The following ANKRD36B variants were observed in gnomAD, a reference collection of about 807,000 sequenced individuals.
ANKRD36B encodes the protein ankyrin repeat domain 36B.
In ANKRD36B, 37 loss-of-function variants were observed where a neutral mutation model predicts 135.7. The observed-to-expected ratio is 0.27, with a 90% confidence interval of 0.21 to 0.36. The LOEUF (loss-of-function observed/expected upper bound fraction) is 0.36, where lower values mean the gene tolerates loss of function less well. Ranked by LOEUF, ANKRD36B falls within the 10% of genes least tolerant of loss-of-function variation. The pLI is 1.00. For synonymous variants in ANKRD36B, 179 were observed against 348.1 expected, an observed-to-expected ratio of 0.51 and a Z score of 5.41; for missense variants, 549 against 1,037.1, an observed-to-expected ratio of 0.53 and a Z score of 6.46.
chr2:97,552,810 G>A (rs1191028587), intron 16 of ANKRD36B, among the ~76,000 whole-genome samples: 1 of 151,796 alleles, frequency 6.6e-6, no homozygotes, highest in Non-Finnish European at 1.5e-5. Context: ...ACGATGTGAC[G>A]TCTGTAAAAT....
At chr2:97,586,698 A>T (rs1404991092) in intron 1 of ANKRD36B, among the ~76,000 whole-genome samples, 3 of 152,218 alleles carry the variant, frequency 2.0e-5, no homozygotes, top group Non-Finnish European at 4.4e-5. Context: ...TTTCATTTTC[A>T]TGAGGACACT....
Position 97,545,896 on chromosome 2 carries a change from A to G in ANKRD36B, c.1580-35T>C, listed in dbSNP as rs572260452. 14 of 881,740 alleles carry G rather than the reference A, an allele frequency of 1.6e-5. 6 individuals are homozygous for G. The highest frequency in any genetic ancestry group is 5.2e-5 in the East Asian group (2 of 38,324). 54.6% of individuals were successfully genotyped at this position (881,740 alleles called of 1,614,324 possible). ...AAAAGGGATACATAATCACTCATAC[A>G]TAAATATGATAAAGTTATCCATACA... On this transcript the variant is annotated intron_variant, in intron 22 of 43. Coordinates refer to ENST00000359901, the MANE Select transcript of ANKRD36B (RefSeq NM_001393939.1).
Position 97,589,710 on chromosome 2 carries a change from G to T in ANKRD36B, c.-25C>A, listed in dbSNP as rs764246672. 6.2e-7 allele frequency: 1 copy of T among 1,613,900 alleles called. No homozygotes were observed. The highest frequency in any genetic ancestry group is 2.2e-5 in the East Asian group (1 of 44,862). ...TGAGGGTGGGCCACCTCTCCCGCTC[G>T]TCGTCTTCCTTAATCGTCGGCTGCA... On this transcript the variant is annotated 5_prime_UTR_variant, in exon 1 of 44. Coordinates refer to ENST00000359901, the MANE Select transcript of ANKRD36B (RefSeq NM_001393939.1).
intron 12 of ANKRD36B, among the ~76,000 whole-genome samples, chr2:97,555,770 T>C (rs2080466905): frequency 6.6e-6 from 1 of 152,074 alleles, no homozygotes; most frequent in East Asian, 1.9e-4. Context: ...GGACCTAAAT[T>C]GATCAGCTTG....
intron 3 of ANKRD36B, among the ~76,000 whole-genome samples, chr2:97,584,497 T>C (rs1415628191): frequency 6.6e-6 from 1 of 152,016 alleles, no homozygotes; most frequent in Non-Finnish European, 1.5e-5. Context: ...TGAAATCACC[T>C]TCACATACAA....
At position 97,527,486 on chromosome 2, in the gene ANKRD36B, A is replaced by G. The variant is rs564318147; in HGVS notation, c.2266-4019T>C. On this transcript the variant is annotated intron_variant, in intron 35 of 43. Transcript: ENST00000359901. Reference sequence around the variant, plus strand: ...TAAAGACCATCGAGACTAGGAAGAAACTGCATTAACTAACGAGCAAAATAA... The same window carrying G: ...TAAAGACCATCGAGACTAGGAAGAAGCTGCATTAACTAACGAGCAAAATAA... Among the ~76,000 whole-genome samples, 23 of 95,082 alleles carry G rather than the reference A, an allele frequency of 2.4e-4. 2 individuals carry two copies. The South Asian group carries it at 5.6e-3, about 23-fold the overall frequency. 62.4% of individuals were successfully genotyped at this position (95,082 alleles called of 152,430 possible). A position where few individuals can be genotyped will look rare whatever the true frequency, so the allele number is the denominator to read the frequency against.
intron 3 of ANKRD36B, among the ~76,000 whole-genome samples, chr2:97,581,612 T>TA (rs1329790462): frequency 6.6e-6 from 1 of 152,018 alleles, no homozygotes; most frequent in Non-Finnish European, 1.5e-5. Flanking sequence ...AGGACCCTGG[T>TA]ACATAACTCC....
intron 6 of ANKRD36B, among the ~76,000 whole-genome samples, chr2:97,561,614 T>C (rs1009677307): frequency 1.3e-5 from 2 of 151,956 alleles, no homozygotes; most frequent in African/African-American, 4.8e-5. Flanking sequence ...GCATTAGATA[T>C]GAATAAGCTT....
intron 35 of ANKRD36B, 84 bp downstream of exon 35, chr2:97,532,227 G>C (rs2078637351): frequency 1.6e-6 from 1 of 626,214 alleles, no homozygotes; most frequent in South Asian, 1.5e-5. Flanking sequence ...CAAATCCAAA[G>C]GTAAATTCAT....
chr2:97,547,278 A>G lies in ANKRD36B; in HGVS notation c.1579+258T>C, dbSNP rs1014526123. The G allele has an allele frequency of 9.0e-5, 35 of 386,908 alleles. 1 individual carries two copies. The highest frequency in any genetic ancestry group is 1.3e-4 in the Non-Finnish European group (28 of 213,268). The allele number at this position is 386,908 out of a possible 1,614,324, so 24.0% of individuals were successfully genotyped here. On this transcript the variant is annotated intron_variant, in intron 22 of 43. Transcript: ENST00000359901. ...TTAAAGCAAAATTATGTTGTTCCCC[A>G]GAGCCCCTTATGCCTTGAACTGCTC...
chr2:97,577,222 G>A (rs1217346744), intron 5 of ANKRD36B, among the ~76,000 whole-genome samples: 1 of 141,448 alleles, frequency 7.1e-6, no homozygotes, highest in Admixed American at 7.3e-5. Flanking sequence ...TGAATGAGCA[G>A]ATGTTTGCTA....
At chr2:97,578,032 G>C (rs2082337999) in intron 5 of ANKRD36B, among the ~76,000 whole-genome samples, 1 of 151,606 alleles carries the variant, frequency 6.6e-6, no homozygotes, top group African/African-American at 2.4e-5. Context: ...GCTTTAAAGA[G>C]AAAAAAAAGG....
chr2:97,557,075 A>C (rs1164253607), intron 11 of ANKRD36B, 29 bp downstream of exon 11: 1 of 1,545,138 alleles, frequency 6.5e-7, no homozygotes. Context: ...GCAATAAATA[A>C]TTCAAAATAT....
At chr2:97,537,362 C>T (rs2078941713) in intron 32 of ANKRD36B, among the ~76,000 whole-genome samples, 1 of 96,528 alleles carries the variant, frequency 1.0e-5, no homozygotes, top group South Asian at 2.3e-4. Flanking sequence ...TATCACTTTA[C>T]TATAAAGAAT....
chr2:97,560,256 TAC>T (rs1167979744), intron 8 of ANKRD36B, among the ~76,000 whole-genome samples: 1 of 151,916 alleles, frequency 6.6e-6, no homozygotes, highest in Non-Finnish European at 1.5e-5. Context: ...GCTCTCATTC[TAC>T]AGTGTTTATG....
chr2:97,546,158 G>A (rs529464694), intron 22 of ANKRD36B, among the ~76,000 whole-genome samples: 3 of 151,852 alleles, frequency 2.0e-5, no homozygotes, highest in African/African-American at 4.8e-5. Flanking sequence ...AGGACAAAGT[G>A]ATCTAAAATC....
intron 6 of ANKRD36B, among the ~76,000 whole-genome samples, chr2:97,568,109 T>C (rs2081578752): frequency 6.6e-6 from 1 of 152,126 alleles, no homozygotes; most frequent in African/African-American, 2.4e-5. Context: ...TAATCTCTTA[T>C]TGTGCCTAAT....
chr2:97,514,174 T>C (rs2077695023), intron 37 of ANKRD36B, among the ~76,000 whole-genome samples: 1 of 132,618 alleles, frequency 7.5e-6, no homozygotes, highest in Admixed American at 6.9e-5. Context: ...AACATTCATA[T>C]GTTGGTTTAT....
chr2:97,560,567 C>T (rs555785091), intron 8 of ANKRD36B, 98 bp downstream of exon 8: 67 of 1,523,542 alleles, frequency 4.4e-5, no homozygotes, highest in Non-Finnish European at 5.4e-5. Flanking sequence ...TGAATCAGAA[C>T]GTGCAGCTTA....
Sources: allele counts gnomAD v4.1 joint callset (sites outside exome capture counted in the v4.1 genomes callset), GRCh38; gene constraint gnomAD v4.1.1; transcripts MANE v1.5; gene names NCBI Gene and HGNC (gene_info 2026-07-23, HGNC 2026-07-21).